Variants in PDE4D observed in about 807,000 individuals in gnomAD.
PDE4D encodes phosphodiesterase 4D.
PDE4D carries 24 observed loss-of-function variants against 87.4 expected under a neutral mutation model. The ratio of observed to expected loss-of-function variants is 0.27; its 90% CI spans 0.20 to 0.39. PDE4D has a LOEUF of 0.39. Ranked by LOEUF, PDE4D falls within the 10% of genes least tolerant of loss-of-function variation. The probability of loss-of-function intolerance (pLI) is 1.00; values close to 1 mark genes in which losing one functional copy is unlikely to be tolerated. For synonymous variants in PDE4D, 384 were observed against 383.2 expected (o/e 1.00, Z -0.02); for missense variants, 714 against 1,041.0 (o/e 0.69, Z 4.32).
At chr5:59,200,088 T>TATGTAGACATACATGC (rs1554095866) in intron 2 of PDE4D, among the ~76,000 whole-genome samples, 2 of 121,626 alleles carry the variant, frequency 1.6e-5, no homozygotes, top group Admixed American at 8.3e-5. Flanking sequence ...CACATACATG[T>TATGTAGACATACATGC]ATGTAGACAT....
At chr5:59,519,345 G>A (rs918156253) in intron 1 of PDE4D, among the ~76,000 whole-genome samples, 4 of 152,194 alleles carry the variant, frequency 2.6e-5, no homozygotes, top group South Asian at 2.1e-4. Context: ...AGCAGGGAAC[G>A]TCAAGGTGGA....
chr5:59,344,337 T>C (rs1779279220), intron 1 of PDE4D, among the ~76,000 whole-genome samples: 1 of 152,194 alleles, frequency 6.6e-6, no homozygotes, highest in Non-Finnish European at 1.5e-5. Context: ...CCATGATCAC[T>C]GAATGATTCC....
intron 1 of PDE4D, among the ~76,000 whole-genome samples, chr5:59,424,134 T>C (rs1794877277): frequency 6.6e-6 from 1 of 152,022 alleles, no homozygotes; most frequent in African/African-American, 2.4e-5. Context: ...AAAAAGGACA[T>C]GGGAGATGGG....
At chr5:60,379,813 C>T (rs965102297) in intron 1 of PDE4D, among the ~76,000 whole-genome samples, 1 of 152,164 alleles carries the variant, frequency 6.6e-6, no homozygotes, top group Admixed American at 6.5e-5. Flanking sequence ...GGGTTTCAGC[C>T]TCCCTTCACC....
At chr5:59,404,401 G>T (rs1791237991) in intron 1 of PDE4D, among the ~76,000 whole-genome samples, 2 of 151,670 alleles carry the variant, frequency 1.3e-5, no homozygotes, top group Admixed American at 6.6e-5. Context: ...GCTCACACCT[G>T]CAATCCATGC....
intron 1 of PDE4D, among the ~76,000 whole-genome samples, chr5:60,285,866 C>T (rs1257778067): frequency 6.6e-6 from 1 of 152,202 alleles, no homozygotes; most frequent in African/African-American, 2.4e-5. Flanking sequence ...CCCAGCAGAT[C>T]ACATGAGTGG....
At chr5:59,133,883 A>G (rs1012959980) in intron 5 of PDE4D, among the ~76,000 whole-genome samples, 1 of 152,080 alleles carries the variant, frequency 6.6e-6, no homozygotes, top group African/African-American at 2.4e-5. Flanking sequence ...TGAGAGACAA[A>G]AGACCTATGC....
At chr5:59,239,137 A>C (rs898639949) in intron 1 of PDE4D, among the ~76,000 whole-genome samples, 1 of 152,334 alleles carries the variant, frequency 6.6e-6, no homozygotes, top group East Asian at 1.9e-4. Flanking sequence ...CAGCATTTAA[A>C]TCTACCATAT....
At chr5:60,344,662 G>A (rs1292434022) in intron 1 of PDE4D, among the ~76,000 whole-genome samples, 1 of 152,088 alleles carries the variant, frequency 6.6e-6, no homozygotes, top group Non-Finnish European at 1.5e-5. Context: ...CAATACAGGA[G>A]CTAAGTAGCA....
intron 1 of PDE4D, among the ~76,000 whole-genome samples, chr5:59,824,718 A>G (rs1183064410): frequency 6.6e-6 from 1 of 152,100 alleles, no homozygotes; most frequent in Non-Finnish European, 1.5e-5. Flanking sequence ...TCTCCTGGAT[A>G]TTGCCCAGCT....
intron 1 of PDE4D, among the ~76,000 whole-genome samples, chr5:59,446,254 A>G (rs1481746599): frequency 6.6e-6 from 1 of 152,176 alleles, no homozygotes; most frequent in Non-Finnish European, 1.5e-5. Context: ...GATAATTTTA[A>G]CACTTATAAG....
intron 1 of PDE4D, among the ~76,000 whole-genome samples, chr5:59,878,894 T>G (rs1263535955): frequency 8.1e-6 from 1 of 123,932 alleles, no homozygotes; most frequent in African/African-American, 3.5e-5. Context: ...TAAGTTTTTT[T>G]TTTTTTTTTT....
chr5:60,078,585 T>G (rs1175908843), intron 2 of PDE4D, among the ~76,000 whole-genome samples: 1 of 152,196 alleles, frequency 6.6e-6, no homozygotes, highest in Non-Finnish European at 1.5e-5. Context: ...TCCCTCTCTG[T>G]GTCCATGTGT....
intron 1 of PDE4D, among the ~76,000 whole-genome samples, chr5:59,259,905 T>C (rs949550481): frequency 6.6e-6 from 1 of 151,814 alleles, no homozygotes; most frequent in African/African-American, 2.4e-5. Context: ...CTGAATGAAT[T>C]TATTCAGGAT....
intron 1 of PDE4D, among the ~76,000 whole-genome samples, chr5:60,258,892 T>C (rs150143701): frequency 0.016 from 2,480 of 152,084 alleles, 29 homozygotes; most frequent in Middle Eastern, 0.034. Context: ...AAATTATATA[T>C]ACAATATGAT....
At chr5:59,736,741 A>G (rs1480910574) in intron 1 of PDE4D, among the ~76,000 whole-genome samples, 1 of 152,172 alleles carries the variant, frequency 6.6e-6, no homozygotes, top group Non-Finnish European at 1.5e-5. Context: ...TCATGAAAGA[A>G]GCAATCAGTT....
At chr5:59,577,835 A>G (rs571520234) in intron 1 of PDE4D, among the ~76,000 whole-genome samples, 3 of 152,268 alleles carry the variant, frequency 2.0e-5, no homozygotes, top group Admixed American at 6.5e-5. Flanking sequence ...AGGCTATTTA[A>G]TAATATCCCT....
intron 1 of PDE4D, among the ~76,000 whole-genome samples, chr5:59,727,702 G>T (rs1756804551): frequency 6.6e-6 from 1 of 152,022 alleles, no homozygotes; most frequent in African/African-American, 2.4e-5. Flanking sequence ...TGGTGGGCAG[G>T]TTTCTTACCC....
chr5:60,037,667 A>G (rs1234026488), intron 2 of PDE4D, among the ~76,000 whole-genome samples: 2 of 152,240 alleles, frequency 1.3e-5, no homozygotes, highest in Non-Finnish European at 2.9e-5. Flanking sequence ...TTAATACATT[A>G]CCTAAATGAG....
Sources: gnomAD v4.1 joint callset for allele counts (sites outside exome capture counted in the v4.1 genomes callset) on GRCh38, gnomAD v4.1.1 for gene constraint, MANE v1.5 for transcripts, NCBI Gene and HGNC (gene_info 2026-07-23, HGNC 2026-07-21) for gene names.